STXBP5L: variants seen among roughly 807,000 people sequenced by gnomAD.
STXBP5L encodes the protein syntaxin binding protein 5L, also known as syntaxin-binding protein 5-like.
A neutral mutation model predicts 144.5 loss-of-function variants in STXBP5L; 65 were observed. The observed-to-expected ratio is 0.45, with a 90% CI of 0.37 to 0.55. STXBP5L has a LOEUF of 0.55. Ranked by LOEUF, STXBP5L falls within the 20% of genes least tolerant of loss-of-function variation. STXBP5L has a pLI of 0.00. For missense variants in STXBP5L, 1,298 were observed against 1,405.5 expected (o/e 0.92, Z 1.22); for synonymous variants, 505 against 469.6 (o/e 1.08, Z -0.97).
chr3:121,050,537 G>C (rs995402987), intron 5 of STXBP5L, among the ~76,000 whole-genome samples: 1 of 152,154 alleles, frequency 6.6e-6, no homozygotes, highest in Non-Finnish European at 1.5e-5. Flanking sequence ...CAAATGCTGA[G>C]AGATTTTGTC....
At chr3:121,306,680 G>A (rs944371278) in intron 19 of STXBP5L, among the ~76,000 whole-genome samples, 1 of 152,142 alleles carries the variant, frequency 6.6e-6, no homozygotes, top group African/African-American at 2.4e-5. Context: ...AATGAAATAA[G>A]AGGAAGTAAT....
intron 2 of STXBP5L, among the ~76,000 whole-genome samples, 198 bp from the exon 3 acceptor site, chr3:120,954,742 A>G (rs1453998785): frequency 2.0e-5 from 3 of 152,080 alleles, no homozygotes. Flanking sequence ...AGATATTTTA[A>G]AAAAGTGTTT....
intron 3 of STXBP5L, among the ~76,000 whole-genome samples, chr3:120,998,800 C>T (rs1943551035): frequency 6.6e-6 from 1 of 152,142 alleles, no homozygotes; most frequent in African/African-American, 2.4e-5. Context: ...TCTAGGAATG[C>T]AGCTAACCTG....
chr3:121,337,667 C>T (rs2044557359), intron 20 of STXBP5L, among the ~76,000 whole-genome samples: 1 of 152,040 alleles, frequency 6.6e-6, no homozygotes, highest in Non-Finnish European at 1.5e-5. Flanking sequence ...AGAAAGTGAG[C>T]AAGAAAATGT....
At chr3:121,243,185 C>T (rs1409769902) in intron 14 of STXBP5L, among the ~76,000 whole-genome samples, 1 of 152,158 alleles carries the variant, frequency 6.6e-6, no homozygotes, top group Admixed American at 6.5e-5. Context: ...TCTGTGTCAT[C>T]TGATAGAGAT....
At chr3:121,213,242 A>G (rs1043162001) in intron 10 of STXBP5L, among the ~76,000 whole-genome samples, 2 of 152,130 alleles carry the variant, frequency 1.3e-5, no homozygotes, top group Non-Finnish European at 1.5e-5. Context: ...AACTTCCAAT[A>G]CTATGTTGAA....
rs1160491427 is a variant in STXBP5L at position 121,415,783 on chromosome 3, TCA to T, written c.3115-71_3115-70del. On this transcript the variant is annotated intron_variant, in intron 24 of 26. Transcript: ENST00000471454. The stretch of plus-strand genomic sequence containing the variant: ...TTTTTTCATGATGTGTCCTACTATA[TCA>T]CAGTGTTACCTTTTTGTATATTAAT... The T allele has an allele frequency of 4.0e-6, 4 of 1,012,202 alleles. No homozygotes were observed. The African/African-American group carries it at 4.9e-5, about 12-fold the overall frequency. The allele number at this position is 1,012,202 out of a possible 1,614,324, so 62.7% of individuals were successfully genotyped here. A position where few individuals can be genotyped will look rare whatever the true frequency, so the allele number is the denominator to read the frequency against.
chr3:121,268,786 C>T (rs1299294746), intron 18 of STXBP5L, among the ~76,000 whole-genome samples: 3 of 151,934 alleles, frequency 2.0e-5, no homozygotes, highest in African/African-American at 7.3e-5. Flanking sequence ...AAAGACCAGT[C>T]AGGGTATTTG....
chr3:121,025,491 T>C (rs937607242), intron 3 of STXBP5L, among the ~76,000 whole-genome samples: 3 of 152,164 alleles, frequency 2.0e-5, no homozygotes, highest in Non-Finnish European at 4.4e-5. Flanking sequence ...ATAGCAATTA[T>C]CAGCTGAAGC....
intron 5 of STXBP5L, among the ~76,000 whole-genome samples, chr3:121,063,182 A>G (rs966466513): frequency 2.6e-5 from 4 of 152,072 alleles, no homozygotes; most frequent in Non-Finnish European, 2.9e-5. Flanking sequence ...TAACCTTCGG[A>G]TGGGGTTTTG....
intron 19 of STXBP5L, among the ~76,000 whole-genome samples, chr3:121,292,225 G>A (rs1480992009): frequency 6.6e-6 from 1 of 152,072 alleles, no homozygotes; most frequent in Non-Finnish European, 1.5e-5. Flanking sequence ...CCATCAAAAA[G>A]TGAGTTAAAG....
chr3:121,337,505 T>C (rs2044552065), intron 20 of STXBP5L, among the ~76,000 whole-genome samples: 2 of 149,558 alleles, frequency 1.3e-5, no homozygotes, highest in Admixed American at 1.3e-4. Context: ...AAGAAGATAT[T>C]ACAATCCTTA....
At chr3:121,123,176 C>A (rs1006448753) in intron 7 of STXBP5L, among the ~76,000 whole-genome samples, 1 of 151,334 alleles carries the variant, frequency 6.6e-6, no homozygotes, top group Non-Finnish European at 1.5e-5. Context: ...AAATGTTAAA[C>A]ACTAAAAATA....
chr3:121,226,795 A>G (rs2049136990), intron 11 of STXBP5L, among the ~76,000 whole-genome samples: 1 of 152,176 alleles, frequency 6.6e-6, no homozygotes, highest in South Asian at 2.1e-4. Flanking sequence ...TCCTCTCCAC[A>G]TTGATCATAT....
chr3:121,417,359 A>T (rs1360914854), intron 25 of STXBP5L, among the ~76,000 whole-genome samples: 1 of 152,192 alleles, frequency 6.6e-6, no homozygotes, highest in African/African-American at 2.4e-5. Flanking sequence ...AAAAAATTAG[A>T]TTCCATCCAC....
At chr3:121,195,146 G>A (rs1485619653) in intron 9 of STXBP5L, among the ~76,000 whole-genome samples, 3 of 151,724 alleles carry the variant, frequency 2.0e-5, no homozygotes, top group Admixed American at 6.6e-5. Flanking sequence ...GGATGGTCTC[G>A]ATCTCTTGAC....
At chr3:121,177,134 A>G (rs2046967562) in intron 9 of STXBP5L, among the ~76,000 whole-genome samples, 1 of 152,060 alleles carries the variant, frequency 6.6e-6, no homozygotes, top group Admixed American at 6.6e-5. Context: ...CTCACCCACA[A>G]TGAAGCATCA....
intron 9 of STXBP5L, among the ~76,000 whole-genome samples, chr3:121,161,444 T>C (rs948924876): frequency 6.6e-6 from 1 of 152,028 alleles, no homozygotes; most frequent in African/African-American, 2.4e-5. Context: ...TTTTCTCCAA[T>C]TGCTTTCAAA....
chr3:120,978,099 T>A (rs1941297905), intron 3 of STXBP5L, among the ~76,000 whole-genome samples: 1 of 152,232 alleles, frequency 6.6e-6, no homozygotes, highest in African/African-American at 2.4e-5. Flanking sequence ...CCTGCCTTGC[T>A]AGATTGGGGA....
Sources: allele counts gnomAD v4.1 joint callset (sites outside exome capture counted in the v4.1 genomes callset), GRCh38; gene constraint gnomAD v4.1.1; transcripts MANE v1.5; gene names NCBI Gene and HGNC (gene_info 2026-07-23, HGNC 2026-07-21).